The following LRP1B variants were observed in gnomAD, a reference collection of about 807,000 sequenced individuals.
The protein encoded by LRP1B is low-density lipoprotein receptor-related protein 1B.
Under a neutral mutation model 556.6 loss-of-function variants are expected in LRP1B, and 217 were observed. That is an observed-to-expected ratio of 0.39 (90% CI 0.35 to 0.44). LRP1B has a LOEUF of 0.44. LRP1B is among the 20% of genes least tolerant of loss of function. The pLI, the probability that LRP1B is intolerant of heterozygous loss-of-function variation, is 1.00. For missense variants in LRP1B, 5,053 were observed against 5,620.8 expected (o/e 0.90, Z 3.23); for synonymous variants, 2,047 against 1,865.8 (o/e 1.10, Z -2.50).
chr2:141,185,372 A>C (rs1187971308), intron 7 of LRP1B, among the ~76,000 whole-genome samples: 1 of 152,060 alleles, frequency 6.6e-6, no homozygotes, highest in African/African-American at 2.4e-5. Context: ...TGTTGGTTGG[A>C]ATATGATCTC....
chr2:141,889,858 A>C (rs1443099336), intron 1 of LRP1B, among the ~76,000 whole-genome samples: 1 of 152,156 alleles, frequency 6.6e-6, no homozygotes, highest in Non-Finnish European at 1.5e-5. Flanking sequence ...CCATTTAGTA[A>C]GAAATCTGCT....
In LRP1B at chr2:140,585,729, C is replaced by A. The variant is rs369416988; in HGVS notation, c.7194+12902G>T. Among the ~76,000 whole-genome samples the A allele has an allele frequency of 1.6e-3, 239 of 152,208 alleles. 6 individuals carry two copies. The South Asian group carries it at 0.049, about 31-fold the overall frequency. ...CTTAGACACCTATATTTGGCAATGT[C>A]ATATATTCATATAAACTTTATTATA... On this transcript the variant is annotated intron_variant, in intron 43 of 90. Transcript: ENST00000389484.
At chr2:141,072,457 A>G (rs1031651161) in intron 7 of LRP1B, among the ~76,000 whole-genome samples, 1 of 152,006 alleles carries the variant, frequency 6.6e-6, no homozygotes, top group African/African-American at 2.4e-5. Context: ...TGTGCCTATG[A>G]CCTTTTATTT....
At chr2:141,957,913 A>G (rs76363436) in intron 1 of LRP1B, among the ~76,000 whole-genome samples, 1,781 of 152,206 alleles carry the variant, frequency 0.012, 37 homozygotes, top group African/African-American at 0.041. Context: ...AACATATTTT[A>G]AAAGACTGAT....
chr2:140,676,214 G>T lies in LRP1B; in HGVS notation c.6799+24036C>A, dbSNP rs912673969. Among the ~76,000 whole-genome samples, 3 of 152,064 alleles carry T rather than the reference G, an allele frequency of 2.0e-5. No homozygotes were observed. The East Asian group carries it at 5.8e-4, about 29-fold the overall frequency. On this transcript the variant is annotated intron_variant, in intron 41 of 90. Transcript: ENST00000389484. ...TAGCTAATTTATGTCAGATAAAAGCGCAAGAGTACAATTTGCTTCCTACAG... is the reference window on the plus strand; with the variant it reads ...TAGCTAATTTATGTCAGATAAAAGCTCAAGAGTACAATTTGCTTCCTACAG...
At chr2:141,146,706 A>G (rs1279419976) in intron 7 of LRP1B, among the ~76,000 whole-genome samples, 1 of 151,970 alleles carries the variant, frequency 6.6e-6, no homozygotes, top group Non-Finnish European at 1.5e-5. Context: ...TTTGTCCTCC[A>G]CTCTCTTGGC....
chr2:141,683,911 G>A (rs1574237849), intron 2 of LRP1B, among the ~76,000 whole-genome samples: 1 of 152,068 alleles, frequency 6.6e-6, no homozygotes, highest in East Asian at 1.9e-4. Context: ...ATGCTAGTTA[G>A]AATGGCAATC....
At chr2:141,467,098 ATG>A (rs1229285404) in intron 3 of LRP1B, among the ~76,000 whole-genome samples, 8 of 12,242 alleles carry the variant, frequency 6.5e-4, no homozygotes, top group African/African-American at 9.1e-4. Flanking sequence ...ACACATATAT[ATG>A]TGTATATATA....
At chr2:141,730,498 T>G (rs1162203996) in intron 2 of LRP1B, among the ~76,000 whole-genome samples, 2 of 152,200 alleles carry the variant, frequency 1.3e-5, no homozygotes, top group African/African-American at 2.4e-5. Flanking sequence ...ACGTGCTTAC[T>G]TGTCTACATT....
At chr2:140,365,512 A>T (rs1194621945) in intron 71 of LRP1B, among the ~76,000 whole-genome samples, 1 of 151,734 alleles carries the variant, frequency 6.6e-6, no homozygotes, top group Non-Finnish European at 1.5e-5. Flanking sequence ...ATGTCTAGAG[A>T]TGTAGCAATA....
intron 2 of LRP1B, among the ~76,000 whole-genome samples, chr2:141,536,158 C>T (rs1199511318): frequency 1.3e-5 from 2 of 151,942 alleles, no homozygotes; most frequent in Non-Finnish European, 2.9e-5. Flanking sequence ...TTATTTAAAC[C>T]ATTATTCCAT....
In LRP1B at chr2:141,279,819, T is replaced by A. The variant is rs149067910; in HGVS notation, c.344-25178A>T. Among the ~76,000 whole-genome samples, 490 of 152,148 alleles carry A rather than the reference T, an allele frequency of 3.2e-3. 3 individuals carry two copies. Among genetic ancestry groups the A allele is most frequent in the African/African-American group, 0.011 (465 of 41,536 alleles). On this transcript the variant is annotated intron_variant, in intron 3 of 90. Coordinates refer to ENST00000389484, the MANE Select transcript of LRP1B (RefSeq NM_018557.3). ...AATAGGTTGTTTTCAAACATGTTGG[T>A]GAAGATAAGGGATAATACAATAGGT...
At chr2:141,806,480 T>C (rs1696172207) in intron 2 of LRP1B, among the ~76,000 whole-genome samples, 5 of 152,082 alleles carry the variant, frequency 3.3e-5, no homozygotes, top group Admixed American at 2.6e-4. Flanking sequence ...CCTTACCATA[T>C]ACAATGGTAA....
At position 141,293,036 on chromosome 2, in the gene LRP1B, T is replaced by A. The variant is rs572433994; in HGVS notation, c.344-38395A>T. Among the ~76,000 whole-genome samples the A allele has an allele frequency of 3.9e-5, 6 of 152,328 alleles. No homozygotes were observed. In the South Asian group the frequency reaches 6.2e-4, roughly 16 times the overall value. ...CTATCTTCTCAATTTTCCTCCTTTA[T>A]GCTATTCTAAAAAAATCTAACATTC... On this transcript the variant is annotated intron_variant, in intron 3 of 90. Transcript: ENST00000389484.
chr2:141,062,752 T>A (rs1699371059), intron 7 of LRP1B, among the ~76,000 whole-genome samples: 1 of 151,750 alleles, frequency 6.6e-6, no homozygotes, highest in Non-Finnish European at 1.5e-5. Flanking sequence ...AAACCTGGAA[T>A]GGAATTAAGC....
intron 41 of LRP1B, among the ~76,000 whole-genome samples, chr2:140,644,394 CTTTT>C (rs1248164312): frequency 5.6e-5 from 8 of 143,510 alleles, no homozygotes; most frequent in African/African-American, 1.6e-4. Flanking sequence ...TTCTTTCTTT[CTTTT>C]TTCTTTTTTT....
chr2:141,397,896 A>C (rs769989477), intron 3 of LRP1B, among the ~76,000 whole-genome samples: 10 of 149,794 alleles, frequency 6.7e-5, no homozygotes, highest in East Asian at 1.9e-4. Context: ...CAGCCTCTCT[A>C]TATATACACA....
chr2:141,738,689 A>G (rs1432396345), intron 2 of LRP1B, among the ~76,000 whole-genome samples: 4 of 152,170 alleles, frequency 2.6e-5, no homozygotes, highest in Non-Finnish European at 5.9e-5. Context: ...CCCAACCAGG[A>G]TAAGTAGACT....
rs181941914 is a variant in LRP1B, at chr2:141,933,001, A to C, written c.83-122600T>G. On this transcript the variant is annotated intron_variant, in intron 1 of 90. Coordinates refer to ENST00000389484, the MANE Select transcript of LRP1B (RefSeq NM_018557.3). ...TGCTTGTTTATGTAACTGTTAATTC[A>C]CTATTATGTTTCCATTTTTCCATTA... 9.2e-5 allele frequency among the ~76,000 whole-genome samples: 14 copies of C among 152,152 alleles called. No individual in the cohort carries two copies. The East Asian group carries it at 2.7e-3, about 29-fold the overall frequency.
Sources: allele counts gnomAD v4.1 joint callset (sites outside exome capture counted in the v4.1 genomes callset), GRCh38; gene constraint gnomAD v4.1.1; transcripts MANE v1.5; gene names NCBI Gene and HGNC (gene_info 2026-07-23, HGNC 2026-07-21).